PRSS58: variants seen among roughly 807,000 people sequenced by gnomAD.
PRSS58 encodes protease, serine 58.
Under a neutral mutation model 25.0 loss-of-function variants are expected in PRSS58, and 31 were observed. That is an observed-to-expected ratio of 1.24 (90% confidence interval 0.93 to 1.67). The LOEUF (loss-of-function observed/expected upper bound fraction) is 1.67. Among genes scored for constraint, PRSS58 ranks in the 40% most tolerant of loss-of-function variants. The probability of loss-of-function intolerance (pLI) is 0.00; values close to 1 mark genes in which losing one functional copy is unlikely to be tolerated. For missense variants in PRSS58, 324 were observed against 287.9 expected (o/e 1.13, Z -0.91); for synonymous variants, 119 against 106.1 (o/e 1.12, Z -0.75).
At chr7:142,256,656 T>C (rs1798560585) in intron 2 of PRSS58, among the ~76,000 whole-genome samples, 2 of 152,190 alleles carry the variant, frequency 1.3e-5, no homozygotes, top group South Asian at 4.1e-4. Flanking sequence ...AGATGGAGTC[T>C]TGATATGTTG....
chr7:142,257,587 G>T, intron 2 of PRSS58, 81 bp downstream of exon 2: 2 of 1,186,810 alleles, frequency 1.7e-6, no homozygotes, highest in Non-Finnish European at 2.5e-6. Flanking sequence ...CTGGAATGAT[G>T]CCTCTCGCTG....
chr7:142,253,049 T>C (rs1263542337), intron 4 of PRSS58, among the ~76,000 whole-genome samples: 1 of 151,968 alleles, frequency 6.6e-6, no homozygotes, highest in African/African-American at 2.4e-5. Context: ...TAGCTGGGCG[T>C]GGTGATGAGT....
intron 5 of PRSS58, 45 bp from the exon 6 acceptor site, chr7:142,252,415 T>A: frequency 6.2e-7 from 1 of 1,611,034 alleles, no homozygotes; most frequent in Non-Finnish European, 8.5e-7. Flanking sequence ...GCAGATTATC[T>A]TTCTGGCAAG....
intron 2 of PRSS58, among the ~76,000 whole-genome samples, chr7:142,257,263 C>A (rs1437906481): frequency 6.6e-6 from 1 of 152,050 alleles, no homozygotes; most frequent in Non-Finnish European, 1.5e-5. Flanking sequence ...AGAGATCAAA[C>A]GTGGGGTATG....
chr7:142,255,302 C>T lies in PRSS58; in HGVS notation c.189G>A (p.Arg63=). The T allele has an allele frequency of 6.2e-7, 1 of 1,613,576 alleles. No individual in the cohort carries two copies. The highest frequency in any genetic ancestry group is 1.1e-5 in the South Asian group (1 of 91,052). Residue 63 remains arginine, a synonymous_variant, in exon 4 of 6, where the codon CGG becomes CGA. Transcript: ENST00000547058. ...CTGGGATTGTAACCCCCAATATCACCCGAAGCTTTCTGGAACAATATAGAC... is the reference window on the plus strand; with the variant it reads ...CTGGGATTGTAACCCCCAATATCACTCGAAGCTTTCTGGAACAATATAGAC... The part of the protein sequence containing the change: ...TAAHCNLPKL[R]VILGVTIPAD...
Position 142,252,238 on chromosome 7 carries a change from C to T in PRSS58, c.709G>A (p.Val237Ile), listed in dbSNP as rs768963947. 3.1e-6 allele frequency: 5 copies of T among 1,612,010 alleles called. 1 individual carries two copies. In the African/African-American group the frequency reaches 6.7e-5, roughly 22 times the overall value. Residue 237 changes from valine (V) to isoleucine (I), a missense_variant, in exon 6 of 6, where the codon GTA (valine) becomes ATA (isoleucine). Coordinates refer to ENST00000547058, the MANE Select transcript of PRSS58 (RefSeq NM_001001317.5). ...GCCACAGCTCAGTTATTTTGGATTACATTTTCAATCCAGGGTATATAGTAA... is the reference window on the plus strand; with the variant it reads ...GCCACAGCTCAGTTATTTTGGATTATATTTTCAATCCAGGGTATATAGTAA... Reference protein sequence around the residue: ...IFYYIPWIENVIQNN With the variant: ...IFYYIPWIENIIQNN
At position 142,252,158 on chromosome 7, in the gene PRSS58, T is replaced by C. The variant is rs1023572331; in HGVS notation, c.*63A>G. The C allele has an allele frequency of 2.0e-6, 3 of 1,499,676 alleles. No individual in the cohort carries two copies. Among genetic ancestry groups the C allele is most frequent in the Non-Finnish European group, 2.7e-6 (3 of 1,111,088 alleles). 92.9% of individuals were successfully genotyped at this position (1,499,676 alleles called of 1,614,324 possible). On this transcript the variant is annotated 3_prime_UTR_variant, in exon 6 of 6. Transcript: ENST00000547058. The stretch of plus-strand genomic sequence containing the variant: ...TGGGGCAATGTGAGGAGTTAATTTA[T>C]ATTTAATTCTAAAGGTGAACGATGG...
rs1798481156 is a variant in PRSS58, at chr7:142,252,329, T to C, written c.618A>G (p.Gln206=). 2 of 1,614,178 alleles carry C rather than the reference T, an allele frequency of 1.2e-6. No homozygotes were observed. Among genetic ancestry groups the C allele is most frequent in the Non-Finnish European group, 1.7e-6 (2 of 1,180,022 alleles). Residue 206 remains glutamine (Q), a synonymous_variant, in exon 6 of 6, where the codon CAA becomes CAG. Transcript: ENST00000547058. ...ATCCATCCGCAAAAGACAGGATTCC[T>C]TGAAGCATCCCATTGCAGATTGCCG... ...AAPAICNGML[Q]GILSFADGCV... is the part of the protein sequence containing the mutation.
intron 4 of PRSS58, among the ~76,000 whole-genome samples, chr7:142,254,726 G>C (rs991103226): frequency 1.3e-5 from 2 of 152,128 alleles, no homozygotes; most frequent in African/African-American, 4.8e-5. Flanking sequence ...ATACAACAGA[G>C]TAATCTGCTT....
chr7:142,254,415 ACTAT>A (rs1223522630), intron 4 of PRSS58, among the ~76,000 whole-genome samples: 4 of 152,284 alleles, frequency 2.6e-5, no homozygotes, highest in East Asian at 1.9e-4. Context: ...GTTTAGATAG[ACTAT>A]CTAGTTCAGG....
In PRSS58 at chr7:142,255,153, A is replaced by G. The variant is rs1055239128; in HGVS notation, c.338T>C (p.Leu113Pro). The part of the protein sequence containing the change: ...MLIKLKTEAE[L>P]NDYVKLANLP... Reference sequence around the variant, plus strand: ...GTTGGCTAATTTCACATAGTCATTGAGTTCAGCCTCTGTTTTCAGCTTGAT... The same window carrying G: ...GTTGGCTAATTTCACATAGTCATTGGGTTCAGCCTCTGTTTTCAGCTTGAT... Residue 113 changes from leucine (L) to proline (P), a missense_variant, in exon 4 of 6, where the codon CTC becomes CCC. By Grantham distance (98) the Leu-to-Pro change is moderately conservative. Transcript: ENST00000547058. The G allele has an allele frequency of 1.9e-6, 3 of 1,614,012 alleles. No individual in the cohort carries two copies. The highest frequency in any genetic ancestry group is 2.5e-6 in the Non-Finnish European group (3 of 1,179,988).
intron 1 of PRSS58, 94 bp from the exon 2 acceptor site, chr7:142,257,842 A>G: frequency 1.4e-6 from 1 of 718,466 alleles, no homozygotes; most frequent in Non-Finnish European, 2.4e-6. Flanking sequence ...AGCAGGATTC[A>G]GTTTTAGAAA....
rs1267589404 is a variant in PRSS58, at chr7:142,258,044, C to T, written c.-95G>A. The T allele has an allele frequency of 1.2e-5, 3 of 241,072 alleles. No individual in the cohort carries two copies. The highest frequency in any genetic ancestry group is 6.7e-5 in the African/African-American group (3 of 44,572). 14.9% of individuals were successfully genotyped at this position (241,072 alleles called of 1,614,324 possible). ...CTACAGACGCCTCCTGTCTGGTCTC[C>T]TTTTTGCCAGCCTTGGTAGGCAGGT... On this transcript the variant is annotated 5_prime_UTR_variant, in exon 1 of 6. Coordinates refer to ENST00000547058, the MANE Select transcript of PRSS58 (RefSeq NM_001001317.5).
chr7:142,252,586 A>G lies in PRSS58; in HGVS notation c.462T>C (p.Thr154=). 1 of 1,613,578 alleles carries G rather than the reference A, an allele frequency of 6.2e-7. No homozygotes were observed. The highest frequency in any genetic ancestry group is 2.2e-5 in the East Asian group (1 of 44,886). The change falls in exon 5 of 6, where the codon ACT becomes ACC. Residue 154 remains threonine, a synonymous_variant. Coordinates refer to ENST00000547058, the MANE Select transcript of PRSS58 (RefSeq NM_001001317.5). Reference sequence around the variant, plus strand: ...GCTTGGAGATTACAGAGATGTTCACAGTTTGCAGTGAATCGGGCTCTTTGT... The same window carrying G: ...GCTTGGAGATTACAGAGATGTTCACGGTTTGCAGTGAATCGGGCTCTTTGT... The part of the protein sequence containing the change: ...DIYKEPDSLQ[T]VNISVISKPQ...
At chr7:142,257,962 C>T (rs756919439) in intron 1 of PRSS58, 29 bp downstream of exon 1, 73 of 477,272 alleles carry the variant, frequency 1.5e-4, no homozygotes, top group Admixed American at 2.5e-4. Context: ...ACTCAGAGTT[C>T]TGCCCTCTGT....
In PRSS58 at chr7:142,252,208, C is replaced by T. The variant is rs371359169; in HGVS notation, c.*13G>A. ...GGGACAAGCTGTGTCATATGGTCCA[C>T]AACTGCCACAGCTCAGTTATTTTGG... On this transcript the variant is annotated 3_prime_UTR_variant, in exon 6 of 6. Coordinates refer to ENST00000547058, the MANE Select transcript of PRSS58 (RefSeq NM_001001317.5). The T allele has an allele frequency of 3.7e-6, 6 of 1,606,182 alleles. No individual in the cohort carries two copies. Among genetic ancestry groups the T allele is most frequent in the Non-Finnish European group, 5.1e-6 (6 of 1,176,562 alleles).
chr7:142,254,665 T>A (rs17746656), intron 4 of PRSS58, among the ~76,000 whole-genome samples: 106,874 of 152,038 alleles, frequency 0.7, 38,234 homozygotes, highest in East Asian at 0.99. Context: ...TATTTATTTC[T>A]TGACTTTTCA....
At chr7:142,257,563 C>A (rs17746784) in intron 2 of PRSS58, 105 bp downstream of exon 2, 32,195 of 1,006,876 alleles carry the variant, frequency 0.032, 641 homozygotes, top group Non-Finnish European at 0.038. Context: ...AGAGGACCAT[C>A]CTACACTTGA....
Position 142,255,670 on chromosome 7 carries a change from G to C in PRSS58, c.44C>G (p.Ala15Gly). 6.2e-7 allele frequency: 1 copy of C among 1,604,244 alleles called. No homozygotes were observed. The highest frequency in any genetic ancestry group is 1.3e-5 in the African/African-American group (1 of 74,700). Reference sequence around the variant, plus strand: ...TGTGTAATCTGGATTAAAGGCCAAAGCAACTGGAAAGAGAAGCATAGACAA... The same window carrying C: ...TGTGTAATCTGGATTAAAGGCCAAACCAACTGGAAAGAGAAGCATAGACAA... The part of the protein sequence containing the change: ...LLWALLNLTV[A>G]LAFNPDYTVS... The change falls in exon 3 of 6, where the codon GCT (alanine) becomes GGT (glycine). Residue 15 changes from alanine (A) to glycine (G), a missense_variant. Coordinates refer to ENST00000547058, the MANE Select transcript of PRSS58 (RefSeq NM_001001317.5).
Sources: allele counts gnomAD v4.1 joint callset (sites outside exome capture counted in the v4.1 genomes callset), GRCh38; gene constraint gnomAD v4.1.1; transcripts MANE v1.5; gene names NCBI Gene and HGNC (gene_info 2026-07-23, HGNC 2026-07-21).